ZNF639: variants seen among roughly 807,000 people sequenced by gnomAD.
ZNF639 encodes the protein zinc finger amplified in esophageal squamous cell carcinomas 1.
A neutral mutation model predicts 39.8 loss-of-function variants in ZNF639; 20 were observed. The ratio of observed to expected loss-of-function variants is 0.50; its 90% confidence interval spans 0.35 to 0.73. The LOEUF (loss-of-function observed/expected upper bound fraction) is 0.73. ZNF639 is among the 30% of genes least tolerant of loss of function. The probability of loss-of-function intolerance (pLI) is 0.00; values close to 1 mark genes in which losing one functional copy is unlikely to be tolerated. For missense variants in ZNF639, 477 were observed against 566.2 expected (o/e 0.84, Z 1.60); for synonymous variants, 176 against 189.8 (o/e 0.93, Z 0.60).
At chr3:179,332,352 G>C (rs1727964674) in intron 4 of ZNF639, among the ~76,000 whole-genome samples, 1 of 152,208 alleles carries the variant, frequency 6.6e-6, no homozygotes, top group Non-Finnish European at 1.5e-5. Context: ...GCTGAGTGTG[G>C]TGGCTCACGC....
At chr3:179,323,995 G>C (rs1269206257) in intron 1 of ZNF639, among the ~76,000 whole-genome samples, 1 of 152,230 alleles carries the variant, frequency 6.6e-6, no homozygotes, top group Non-Finnish European at 1.5e-5. Flanking sequence ...GTGACCGTGT[G>C]ATATTGCAGT....
At chr3:179,330,372 C>A (rs974315015) in intron 4 of ZNF639, among the ~76,000 whole-genome samples, 1 of 152,144 alleles carries the variant, frequency 6.6e-6, no homozygotes, top group Admixed American at 6.5e-5. Context: ...CATTCTTGAC[C>A]TCTTGAGCTA....
chr3:179,334,428 C>T lies in ZNF639; in HGVS notation c.*6C>T, dbSNP rs1032347590. ...CAGTCCATGAGACAACTTGATTATT[C>T]TCTTTAACTTACAGAATGTTAGTTT... On this transcript the variant is annotated 3_prime_UTR_variant, in exon 6 of 6. Coordinates refer to ENST00000496856, the MANE Select transcript of ZNF639 (RefSeq NM_001303426.2). 4.0e-6 allele frequency: 6 copies of T among 1,505,564 alleles called. No homozygotes were observed. In the Admixed American group the frequency reaches 1.4e-4, roughly 36 times the overall value. The allele number at this position is 1,505,564 out of a possible 1,614,324, so 93.3% of individuals were successfully genotyped here. A position where few individuals can be genotyped will look rare whatever the true frequency, so the allele number is the denominator to read the frequency against.
rs140834614 is a variant in ZNF639 at position 179,337,356 on chromosome 3, T to TTC, written c.*2934_*2935insTC. On this transcript the variant is annotated 3_prime_UTR_variant, in exon 6 of 6. Transcript: ENST00000496856. The stretch of plus-strand genomic sequence containing the variant: ...ATATAATTTTGTACTTTTTTTTTTT[T>TTC]CAGACAGTCTTGCTCTGTTGCCCAG... 2.6e-5 allele frequency: 4 copies of TTC among 151,780 alleles called. No individual in the cohort carries two copies. The highest frequency in any genetic ancestry group is 4.4e-5 in the Non-Finnish European group (3 of 67,946). 9.4% of individuals were successfully genotyped at this position (151,780 alleles called of 1,614,324 possible).
intron 1 of ZNF639, among the ~76,000 whole-genome samples, chr3:179,324,673 C>G (rs1727483716): frequency 6.6e-6 from 1 of 152,224 alleles, no homozygotes; most frequent in African/African-American, 2.4e-5. Context: ...CAGACCCTTC[C>G]TGATCCGTGT....
chr3:179,332,503 A>G (rs1000661897), intron 4 of ZNF639, among the ~76,000 whole-genome samples: 13 of 152,170 alleles, frequency 8.5e-5, no homozygotes, highest in East Asian at 1.9e-4. Context: ...CTGTAGTCCT[A>G]TCTACTCAGG....
At chr3:179,329,906 ATTCT>A in intron 4 of ZNF639, 178 bp downstream of exon 4, 2 of 238,516 alleles carry the variant, frequency 8.4e-6, no homozygotes, top group Non-Finnish European at 7.3e-6. Flanking sequence ...AATTTTAACT[ATTCT>A]TTTTTTTTTT....
chr3:179,329,647 G>A lies in ZNF639; in HGVS notation c.88G>A (p.Gly30Arg), dbSNP rs1727792770. 1.2e-6 allele frequency: 2 copies of A among 1,607,960 alleles called. No individual in the cohort carries two copies. The highest frequency in any genetic ancestry group is 8.5e-7 in the Non-Finnish European group (1 of 1,176,862). Reference sequence around the variant, plus strand: ...CTCTGGAATAAGCAGAATTGCAGATGGATTCAATGGAATTTTCTCTGATCA... The same window carrying A: ...CTCTGGAATAAGCAGAATTGCAGATAGATTCAATGGAATTTTCTCTGATCA... ...DSSGISRIAD[G>R]FNGIFSDHCY... Residue 30 changes from glycine to arginine, a missense_variant, in exon 4 of 6, where the codon GGA becomes AGA. Gly to Arg is a moderately radical substitution (Grantham distance 125). Transcript: ENST00000496856.
At chr3:179,329,089 C>T (rs948424271) in intron 3 of ZNF639, among the ~76,000 whole-genome samples, 2 of 152,272 alleles carry the variant, frequency 1.3e-5, no homozygotes, top group African/African-American at 2.4e-5. Flanking sequence ...TAATACACCT[C>T]GCATACATTT....
chr3:179,328,248 T>A, intron 2 of ZNF639, 35 bp from the exon 3 acceptor site: 1 of 1,203,976 alleles, frequency 8.3e-7, no homozygotes, highest in Non-Finnish European at 1.2e-6. Flanking sequence ...AGTTGTTATT[T>A]GTGACATATT....
At chr3:179,329,026 G>A (rs574301697) in intron 3 of ZNF639, among the ~76,000 whole-genome samples, 40 of 152,234 alleles carry the variant, frequency 2.6e-4, no homozygotes, top group Non-Finnish European at 5.0e-4. Flanking sequence ...CTTTCATTGA[G>A]GTTGGCTCTG....
In ZNF639 at chr3:179,333,263, C is replaced by T. The variant is rs763466786; in HGVS notation, c.305-6C>T. On this transcript the variant is annotated splice_region_variant and splice_polypyrimidine_tract_variant and intron_variant, in intron 5 of 5. Transcript: ENST00000496856. ...AGTCATATAATAGGTTTGTTTTATT[C>T]TTCAGAAAAATCTGCTGATATTGTA... 11 of 1,592,822 alleles carry T rather than the reference C, an allele frequency of 6.9e-6. No individual in the cohort carries two copies. The Admixed American group carries it at 2.0e-4, about 28-fold the overall frequency.
rs758812076 is a variant in ZNF639 at position 179,333,043 on chromosome 3, T to A, written c.224T>A (p.Ile75Asn). Reference protein sequence around the residue: ...SNDLPKFADGIKARNRNQNYL... With the variant: ...SNDLPKFADGNKARNRNQNYL... ...GACTTGCCAAAATTTGCAGATGGAA[T>A]CAAGGCCAGAAACAGAAATCAGAAC... is the stretch of plus-strand genomic sequence containing the variant. Residue 75 changes from isoleucine (I) to asparagine (N), a missense_variant, in exon 5 of 6, where the codon ATC becomes AAC. Coordinates refer to ENST00000496856, the MANE Select transcript of ZNF639 (RefSeq NM_001303426.2). 1.9e-6 allele frequency: 3 copies of A among 1,564,794 alleles called. No individual in the cohort carries two copies. The highest frequency in any genetic ancestry group is 2.7e-5 in the African/African-American group (2 of 73,344).
rs977180852 is a variant in ZNF639 at position 179,335,648 on chromosome 3, G to T, written c.*1226G>T. 3 of 152,264 alleles carry T rather than the reference G, an allele frequency of 2.0e-5. No homozygotes were observed. Among genetic ancestry groups the T allele is most frequent in the African/African-American group, 7.2e-5 (3 of 41,556 alleles). The allele number at this position is 152,264 out of a possible 1,614,324, so 9.4% of individuals were successfully genotyped here. On this transcript the variant is annotated 3_prime_UTR_variant, in exon 6 of 6. Transcript: ENST00000496856. ...CCAGACATTCAAAATGGAGTTATTG[G>T]CAGTTGGTTCCTTCTGAGGGTTGTG... is the stretch of plus-strand genomic sequence containing the variant.
chr3:179,329,496 A>G (rs1342325432), intron 3 of ZNF639, 122 bp from the exon 4 acceptor site: 4 of 599,672 alleles, frequency 6.7e-6, no homozygotes, highest in East Asian at 3.2e-5. Flanking sequence ...GAAAATGTAT[A>G]ATATTTTCAT....
rs1000944913 is a variant in ZNF639 at position 179,338,262 on chromosome 3, G to A, written c.*3840G>A. 2.0e-5 allele frequency: 3 copies of A among 152,122 alleles called. No individual in the cohort carries two copies. Among genetic ancestry groups the A allele is most frequent in the South Asian group, 2.1e-4 (1 of 4,834 alleles). The allele number at this position is 152,122 out of a possible 1,614,324, so 9.4% of individuals were successfully genotyped here. Reference sequence around the variant, plus strand: ...TATTAACACTTCAGTAGAATTCTTCGCAGCAGTGAACAGTAGTGACAGGTC... The same window carrying A: ...TATTAACACTTCAGTAGAATTCTTCACAGCAGTGAACAGTAGTGACAGGTC... On this transcript the variant is annotated 3_prime_UTR_variant, in exon 6 of 6. Transcript: ENST00000496856.
In ZNF639 at chr3:179,328,356, G is replaced by T. The variant is rs761759749; in HGVS notation, c.58+5G>T. On this transcript the variant is annotated splice_donor_5th_base_variant and intron_variant, in intron 3 of 5. Coordinates refer to ENST00000496856, the MANE Select transcript of ZNF639 (RefSeq NM_001303426.2). ...TACACCCTTCTCGTTATTCAGGTCA[G>T]TGTATAATTATTTTAAAGTTGGGTA... 7.0e-6 allele frequency: 11 copies of T among 1,567,282 alleles called. No individual in the cohort carries two copies. Among genetic ancestry groups the T allele is most frequent in the Non-Finnish European group, 9.5e-6 (11 of 1,155,426 alleles).
At chr3:179,328,032 A>G (rs1727694219) in intron 2 of ZNF639, 4 of 306,334 alleles carry the variant, frequency 1.3e-5, no homozygotes, top group African/African-American at 4.4e-5. Flanking sequence ...CTCACAATTT[A>G]TATCAACATT....
chr3:179,323,003 C>G, upstream of ZNF639: 9 of 985,232 alleles, frequency 9.1e-6, no homozygotes, highest in South Asian at 9.4e-5. Flanking sequence ...CTCACCTCGT[C>G]ACCTCCCCGC....
Sources: gnomAD v4.1 joint callset for allele counts (sites outside exome capture counted in the v4.1 genomes callset) on GRCh38, gnomAD v4.1.1 for gene constraint, MANE v1.5 for transcripts, NCBI Gene and HGNC (gene_info 2026-07-23, HGNC 2026-07-21) for gene names.